CAMKMT: variants seen among roughly 807,000 people sequenced by gnomAD.
CAMKMT encodes the protein CaM KMT.
CAMKMT carries 53 observed loss-of-function variants against 48.0 expected under a neutral mutation model. That is an observed-to-expected ratio of 1.10 (90% CI 0.89 to 1.39). CAMKMT has a LOEUF of 1.39. Among genes scored for constraint, CAMKMT ranks in the 40% most tolerant of loss-of-function variants. CAMKMT has a pLI of 0.00. For synonymous variants in CAMKMT, 165 were observed against 152.3 expected, an observed-to-expected ratio of 1.08 and a Z score of -0.61; for missense variants, 428 against 402.7, an observed-to-expected ratio of 1.06 and a Z score of -0.54.
intron 3 of CAMKMT, among the ~76,000 whole-genome samples, chr2:44,410,280 G>T (rs1305392319): frequency 7.2e-5 from 1 of 13,894 alleles, no homozygotes; most frequent in African/African-American, 5.1e-4. Flanking sequence ...TTTTTGAGAC[G>T]GAGTCTTGCT....
intron 6 of CAMKMT, 39 bp from the exon 7 acceptor site, chr2:44,715,248 C>G: frequency 7.4e-7 from 1 of 1,360,110 alleles, no homozygotes; most frequent in East Asian, 2.4e-5. Context: ...TTGGTCACTT[C>G]ACAATCAGTG....
intron 3 of CAMKMT, among the ~76,000 whole-genome samples, chr2:44,423,559 A>T (rs1085450): frequency 0.73 from 111,530 of 152,098 alleles, 41,748 homozygotes; most frequent in African/African-American, 0.83. Flanking sequence ...TGCTGCAGAG[A>T]TGCCATCTTA....
intron 3 of CAMKMT, among the ~76,000 whole-genome samples, chr2:44,589,256 G>A (rs1352138163): frequency 1.3e-4 from 6 of 47,304 alleles, no homozygotes; most frequent in Admixed American, 4.7e-4. Flanking sequence ...GTCCGGGAGG[G>A]TGGTGGGGGG....
rs980966952 is a variant in CAMKMT at position 44,690,112 on chromosome 2, A to G, written c.377-14171A>G. Among the ~76,000 whole-genome samples the G allele has an allele frequency of 8.5e-5, 13 of 152,308 alleles. 1 individual carries two copies. The highest frequency in any genetic ancestry group is 3.9e-4 in the Admixed American group (6 of 15,304). On this transcript the variant is annotated intron_variant, in intron 3 of 10. Coordinates refer to ENST00000378494, the MANE Select transcript of CAMKMT (RefSeq NM_024766.5). ...ATTTAACTTCTAGGACCATTTCGAA[A>G]CCCATCTAAAATATTTCTTGGTAGA...
intron 3 of CAMKMT, among the ~76,000 whole-genome samples, chr2:44,621,996 A>G (rs1013574632): frequency 6.6e-6 from 1 of 152,194 alleles, no homozygotes; most frequent in African/African-American, 2.4e-5. Context: ...ATTAGATGTG[A>G]GGGATGTTGA....
intron 7 of CAMKMT, among the ~76,000 whole-genome samples, chr2:44,739,432 G>C (rs1437207079): frequency 2.0e-5 from 3 of 152,178 alleles, no homozygotes; most frequent in Non-Finnish European, 2.9e-5. Context: ...TGGAAAGATG[G>C]AATTACCAAT....
chr2:44,637,837 C>T (rs903127536), intron 3 of CAMKMT, among the ~76,000 whole-genome samples: 4 of 151,920 alleles, frequency 2.6e-5, no homozygotes, highest in Non-Finnish European at 4.4e-5. Flanking sequence ...GAGGTTGAGG[C>T]GGGCAGATCA....
intron 9 of CAMKMT, among the ~76,000 whole-genome samples, chr2:44,763,134 G>GC (rs1680685480): frequency 6.6e-6 from 1 of 152,106 alleles, no homozygotes; most frequent in Non-Finnish European, 1.5e-5. Context: ...ACTCAGTAGG[G>GC]CTCAGTGAAT....
chr2:44,517,228 A>AT (rs1670876591), intron 3 of CAMKMT, among the ~76,000 whole-genome samples: 1 of 151,834 alleles, frequency 6.6e-6, no homozygotes, highest in East Asian at 1.9e-4. Context: ...TGTTTCAAAA[A>AT]TTTTTTTTTG....
At chr2:44,372,025 C>T (rs1385970111) in intron 1 of CAMKMT, among the ~76,000 whole-genome samples, 2 of 152,168 alleles carry the variant, frequency 1.3e-5, no homozygotes, top group South Asian at 2.1e-4. Flanking sequence ...TATACCTCCC[C>T]ATTCCTAGGT....
At chr2:44,603,561 G>T (rs1671120990) in intron 3 of CAMKMT, among the ~76,000 whole-genome samples, 1 of 152,114 alleles carries the variant, frequency 6.6e-6, no homozygotes, top group Non-Finnish European at 1.5e-5. Flanking sequence ...ATAGGCTAAG[G>T]TCAGCTGAGT....
intron 3 of CAMKMT, among the ~76,000 whole-genome samples, chr2:44,639,655 T>C (rs1001592334): frequency 1.3e-5 from 2 of 152,220 alleles, no homozygotes; most frequent in African/African-American, 4.8e-5. Flanking sequence ...ATACATGTCA[T>C]TGGAACAACT....
At chr2:44,493,843 A>C (rs1558655609) in intron 3 of CAMKMT, among the ~76,000 whole-genome samples, 1 of 152,080 alleles carries the variant, frequency 6.6e-6, no homozygotes, top group Non-Finnish European at 1.5e-5. Flanking sequence ...TACTTTGTTT[A>C]TTTCCTTCAT....
In CAMKMT at chr2:44,390,475, TACACCG is replaced by T. The variant is rs138900234; in HGVS notation, c.376+174_376+179del. ...GCTGCAAAATAAGCCTTGTATAAGG[TACACCG>T]ACAAAATGGGATACTGCAGTTTCTA... On this transcript the variant is annotated intron_variant, in intron 3 of 10. Transcript: ENST00000378494. Among the ~76,000 whole-genome samples, 1,216 of 147,878 alleles carry T rather than the reference TACACCG, an allele frequency of 8.2e-3. 13 individuals are homozygous for T. The highest frequency in any genetic ancestry group is 0.029 in the African/African-American group (1,163 of 39,790).
intron 7 of CAMKMT, among the ~76,000 whole-genome samples, chr2:44,723,198 T>A (rs749806263): frequency 6.6e-6 from 1 of 152,186 alleles, no homozygotes; most frequent in Admixed American, 6.5e-5. Context: ...AACAGGTAAC[T>A]CTGACGCCTG....
intron 9 of CAMKMT, among the ~76,000 whole-genome samples, chr2:44,764,030 G>GT (rs979491734): frequency 2.2e-3 from 319 of 145,838 alleles, no homozygotes; most frequent in East Asian, 5.8e-3. Flanking sequence ...ATTCCCTGTT[G>GT]TTTTTTTTTT....
chr2:44,455,206 A>G (rs922777926), intron 3 of CAMKMT, among the ~76,000 whole-genome samples: 1 of 152,198 alleles, frequency 6.6e-6, no homozygotes, highest in African/African-American at 2.4e-5. Context: ...GTGAAACGTG[A>G]AAGTAGGACT....
intron 2 of CAMKMT, among the ~76,000 whole-genome samples, chr2:44,389,401 A>G (rs927156581): frequency 2.0e-5 from 3 of 152,238 alleles, no homozygotes; most frequent in Non-Finnish European, 4.4e-5. Context: ...GTAATTCTAT[A>G]TATCACTTAT....
intron 3 of CAMKMT, among the ~76,000 whole-genome samples, chr2:44,597,503 G>A (rs1229239141): frequency 6.6e-6 from 1 of 152,142 alleles, no homozygotes; most frequent in Non-Finnish European, 1.5e-5. Flanking sequence ...GTGGTAGATG[G>A]TGTGTAAGTA....
Sources: gnomAD v4.1 joint callset for allele counts (sites outside exome capture counted in the v4.1 genomes callset) on GRCh38, gnomAD v4.1.1 for gene constraint, MANE v1.5 for transcripts, NCBI Gene and HGNC (gene_info 2026-07-23, HGNC 2026-07-21) for gene names.